NDP: variants seen among roughly 807,000 people sequenced by gnomAD.
NDP encodes norrin.
Under a neutral mutation model 8.4 loss-of-function variants are expected in NDP, and 2 were observed. That is an observed-to-expected ratio of 0.24 (90% CI 0.10 to 0.75). The LOEUF (loss-of-function observed/expected upper bound fraction) is 0.75, where lower values mean the gene tolerates loss of function less well. NDP is among the 30% of genes least tolerant of loss of function. The pLI, the probability that NDP is intolerant of heterozygous loss-of-function variation, is 0.73. For synonymous variants in NDP, 55 were observed against 45.6 expected (o/e 1.21, Z -0.83); for missense variants, 81 against 110.1 (o/e 0.74, Z 1.18).
intron 2 of NDP, among the ~76,000 whole-genome samples, chrX:43,955,874 C>T (rs1034315419): frequency 4.3e-5 from 3 of 69,263 alleles, no homozygotes; most frequent in Admixed American, 1.5e-4. Context: ...AAGGCTTTCA[C>T]TATTATTTAT....
chrX:43,966,721 T>C (rs2035859747), intron 1 of NDP: 1 of 111,911 alleles, frequency 8.9e-6, no homozygotes, highest in South Asian at 3.8e-4. Context: ...GTGACCAATG[T>C]TAGCTCAGGG....
chrX:43,963,316 CAG>C (rs1346661367), intron 1 of NDP, among the ~76,000 whole-genome samples: 2 of 97,189 alleles, frequency 2.1e-5, no homozygotes, highest in Admixed American at 2.4e-4. Context: ...ACTCTGCAGG[CAG>C]AGTCTTGGCC....
At position 43,949,731 on chromosome X, in the gene NDP, G is replaced by T; in HGVS notation, c.*68C>A. 9.6e-7 allele frequency: 1 copy of T among 1,043,033 alleles called. No homozygotes were observed. The highest frequency in any genetic ancestry group is 1.3e-6 in the Non-Finnish European group (1 of 759,902). The allele number at this position is 1,043,033 out of a possible 1,213,427, so 86.0% of individuals were successfully genotyped here. A position where few individuals can be genotyped will look rare whatever the true frequency, so the allele number is the denominator to read the frequency against. ...TTTTGCCTTAACTCTTTTCTTGCCA[G>T]TCTTTCCCTGGCTGGTCGAACTGCC... On this transcript the variant is annotated 3_prime_UTR_variant, in exon 3 of 3. Coordinates refer to ENST00000642620, the MANE Select transcript of NDP (RefSeq NM_000266.4).
intron 1 of NDP, among the ~76,000 whole-genome samples, chrX:43,963,903 C>G (rs1194790433): frequency 8.9e-6 from 1 of 112,841 alleles, no homozygotes; most frequent in Non-Finnish European, 1.9e-5. Context: ...AGGAGCCAAG[C>G]CTGGGCTGAC....
chrX:43,959,774 A>G (rs1165684149), intron 1 of NDP, among the ~76,000 whole-genome samples: 1 of 111,640 alleles, frequency 9.0e-6, no homozygotes, highest in African/African-American at 3.3e-5. Context: ...TATCAAAAAT[A>G]TTTTCAAACA....
chrX:43,955,830 G>A (rs768674342), intron 2 of NDP, among the ~76,000 whole-genome samples: 3 of 111,612 alleles, frequency 2.7e-5, no homozygotes, highest in East Asian at 2.8e-4. Flanking sequence ...CAAGTTCAGG[G>A]CTGGGATGAA....
At chrX:43,956,846 T>C (rs765297159) in intron 2 of NDP, among the ~76,000 whole-genome samples, 39 of 112,179 alleles carry the variant, frequency 3.5e-4, no homozygotes, top group African/African-American at 1.2e-3. Flanking sequence ...AGTCTGTTTC[T>C]AAGACTCATG....
chrX:43,963,357 C>G (rs756898016), intron 1 of NDP, among the ~76,000 whole-genome samples: 1 of 110,983 alleles, frequency 9.0e-6, no homozygotes, highest in South Asian at 3.8e-4. Flanking sequence ...TTTTTAGACA[C>G]ATTGATAAAC....
At position 43,958,751 on chromosome X, in the gene NDP, A is replaced by T. The variant is rs2035810229; in HGVS notation, c.-106T>A. On this transcript the variant is annotated 5_prime_UTR_variant, in exon 2 of 3. Transcript: ENST00000642620. ...ATCCAGTCCCGTTCAAGGAAAGGGCAGGATCGGGCTGAAGCTTTCTGGTTG... is the reference window on the plus strand; with the variant it reads ...ATCCAGTCCCGTTCAAGGAAAGGGCTGGATCGGGCTGAAGCTTTCTGGTTG... 1.4e-6 allele frequency: 1 copy of T among 698,123 alleles called. No homozygotes were observed. Among genetic ancestry groups the T allele is most frequent in the Admixed American group, 2.6e-5 (1 of 39,050 alleles). 57.5% of individuals were successfully genotyped at this position (698,123 alleles called of 1,213,427 possible).
At chrX:43,960,141 G>A (rs991314396) in intron 1 of NDP, among the ~76,000 whole-genome samples, 10 of 110,614 alleles carry the variant, frequency 9.0e-5, no homozygotes, top group Non-Finnish European at 1.9e-4. Flanking sequence ...CAATAGCAAA[G>A]CCTCAGCACA....
intron 2 of NDP, among the ~76,000 whole-genome samples, chrX:43,951,240 G>A (rs181067596): frequency 3.7e-5 from 4 of 108,144 alleles, no homozygotes; most frequent in South Asian, 4.1e-4. Flanking sequence ...TAGCATGACC[G>A]TGTCTCTAAA....
At chrX:43,972,043 ATC>A (rs747178616) in intron 1 of NDP, among the ~76,000 whole-genome samples, 1 of 112,040 alleles carries the variant, frequency 8.9e-6, no homozygotes, top group South Asian at 3.7e-4. Flanking sequence ...CATTTCAGTC[ATC>A]TCTCTGTTTT....
chrX:43,950,476 AAAG>A (rs2035755467), intron 2 of NDP, among the ~76,000 whole-genome samples: 1 of 109,710 alleles, frequency 9.1e-6, no homozygotes, highest in Non-Finnish European at 1.9e-5. Context: ...AAAAAAAAAA[AAAG>A]AAATTGATTT....
chrX:43,950,052 C>T (rs1264009047), intron 2 of NDP, 26 bp from the exon 3 acceptor site: 1 of 1,146,704 alleles, frequency 8.7e-7, no homozygotes, highest in Non-Finnish European at 1.2e-6. Flanking sequence ...GAGGTGGTTA[C>T]TCTGTGGGCA....
At chrX:43,954,263 C>G (rs767304723) in intron 2 of NDP, among the ~76,000 whole-genome samples, 1 of 111,030 alleles carries the variant, frequency 9.0e-6, no homozygotes, top group Non-Finnish European at 1.9e-5. Context: ...TCCAAAAGAT[C>G]TGTGCTAGGC....
At chrX:43,950,521 G>A (rs866154411) in intron 2 of NDP, among the ~76,000 whole-genome samples, 1 of 107,013 alleles carries the variant, frequency 9.3e-6, no homozygotes, top group Non-Finnish European at 1.9e-5. Flanking sequence ...CAGGAATATA[G>A]TTTCTGAATA....
intron 2 of NDP, among the ~76,000 whole-genome samples, chrX:43,953,919 C>T (rs1343868708): frequency 8.9e-6 from 1 of 112,473 alleles, no homozygotes; most frequent in Non-Finnish European, 1.9e-5. Context: ...CTAACTTTTT[C>T]TTGTGGGCTT....
At chrX:43,966,620 T>C (rs1014723131) in intron 1 of NDP, 10 of 111,409 alleles carry the variant, frequency 9.0e-5, no homozygotes, top group African/African-American at 2.6e-4. Flanking sequence ...AAAGAAAAGG[T>C]GCCAGGTGTT....
intron 1 of NDP, among the ~76,000 whole-genome samples, chrX:43,961,068 T>G (rs1217393635): frequency 8.9e-6 from 1 of 112,403 alleles, no homozygotes; most frequent in African/African-American, 3.2e-5. Flanking sequence ...TAGAAGAGAA[T>G]TTAAGAGAAT....
Sources: allele counts gnomAD v4.1 joint callset (sites outside exome capture counted in the v4.1 genomes callset), GRCh38; gene constraint gnomAD v4.1.1; transcripts MANE v1.5; gene names NCBI Gene and HGNC (gene_info 2026-07-23, HGNC 2026-07-21).